Variants in NEK10 observed in about 807,000 individuals in gnomAD.
The protein encoded by NEK10 is serine/threonine-protein kinase Nek10.
NEK10 carries 122 observed loss-of-function variants against 159.8 expected under a neutral mutation model. That is an observed-to-expected ratio of 0.76 (90% CI 0.66 to 0.89). The LOEUF (loss-of-function observed/expected upper bound fraction) is 0.89. NEK10 is among the 40% of genes least tolerant of loss of function. The pLI, the probability that NEK10 is intolerant of heterozygous loss-of-function variation, is 0.00. For synonymous variants in NEK10, 466 were observed against 457.1 expected (o/e 1.02, Z -0.25); for missense variants, 1,342 against 1,323.1 (o/e 1.01, Z -0.22).
chr3:27,314,278 A>T lies in NEK10; in HGVS notation c.489+19T>A, dbSNP rs897106194. On this transcript the variant is annotated intron_variant, in intron 7 of 35. Transcript: ENST00000691995. ...ACAAAATGAAAAGGCAAGACCAGCC[A>T]CCACAAAAGGAATCTTACCTGAGCT... The T allele has an allele frequency of 3.2e-6, 5 of 1,583,266 alleles. No individual in the cohort carries two copies. In the Admixed American group the frequency reaches 8.6e-5, roughly 27 times the overall value.
intron 22 of NEK10, among the ~76,000 whole-genome samples, chr3:27,257,386 G>C (rs1370483493): frequency 6.6e-6 from 1 of 152,140 alleles, no homozygotes; most frequent in African/African-American, 2.4e-5. Context: ...AATAAGCTTT[G>C]ATATTCTCAA....
chr3:27,331,331 G>A (rs1436160880), intron 5 of NEK10, among the ~76,000 whole-genome samples: 1 of 150,592 alleles, frequency 6.6e-6, no homozygotes, highest in African/African-American at 2.4e-5. Flanking sequence ...GTGCTAACTT[G>A]AACATCTGTC....
At chr3:27,242,574 G>T (rs890892742) in intron 23 of NEK10, among the ~76,000 whole-genome samples, 1 of 152,174 alleles carries the variant, frequency 6.6e-6, no homozygotes, top group African/African-American at 2.4e-5. Context: ...TGGCTCCTAG[G>T]GGAAGGGACA....
chr3:27,359,828 A>G (rs760734492), intron 1 of NEK10, among the ~76,000 whole-genome samples: 4 of 152,230 alleles, frequency 2.6e-5, no homozygotes, highest in African/African-American at 4.8e-5. Context: ...TCACCACTTC[A>G]GCAGTTTATG....
At chr3:27,345,959 A>T in intron 4 of NEK10, 127 bp downstream of exon 4, 1 of 720,608 alleles carries the variant, frequency 1.4e-6, no homozygotes, top group Non-Finnish European at 2.1e-6. Context: ...TGAAAATATT[A>T]AATTAAGAAT....
chr3:27,254,114 C>T (rs893314728), intron 23 of NEK10, among the ~76,000 whole-genome samples: 1 of 152,160 alleles, frequency 6.6e-6, no homozygotes, highest in Non-Finnish European at 1.5e-5. Flanking sequence ...CTAGTCCAAC[C>T]CCCGGCCCAC....
chr3:27,337,825 ACATTAAGATT>A (rs1357685206), intron 5 of NEK10, among the ~76,000 whole-genome samples: 14 of 152,186 alleles, frequency 9.2e-5, no homozygotes, highest in Non-Finnish European at 2.9e-5. Flanking sequence ...AAAGACTTAA[ACATTAAGATT>A]CAAAACTATG....
chr3:27,137,622 A>G (rs912955115), intron 31 of NEK10, among the ~76,000 whole-genome samples: 4 of 152,204 alleles, frequency 2.6e-5, no homozygotes, highest in African/African-American at 9.6e-5. Flanking sequence ...GCTTCCCCCA[A>G]TATTTCCCTG....
At chr3:27,346,849 T>C (rs959459944) in intron 3 of NEK10, among the ~76,000 whole-genome samples, 1 of 152,210 alleles carries the variant, frequency 6.6e-6, no homozygotes, top group African/African-American at 2.4e-5. Context: ...TTAAAATATA[T>C]TATCAAATTT....
intron 5 of NEK10, among the ~76,000 whole-genome samples, chr3:27,338,222 A>G (rs2046950303): frequency 6.6e-6 from 1 of 152,204 alleles, no homozygotes; most frequent in Non-Finnish European, 1.5e-5. Context: ...TTTACTGAGA[A>G]GGATGGTTTC....
intron 25 of NEK10, among the ~76,000 whole-genome samples, chr3:27,198,843 G>A (rs112620273): frequency 1.1e-4 from 17 of 152,138 alleles, no homozygotes; most frequent in Admixed American, 2.0e-4. Context: ...AGGCCGAGGC[G>A]TGTAGATCAT....
At chr3:27,202,885 T>C (rs910590770) in intron 23 of NEK10, among the ~76,000 whole-genome samples, 25 of 152,282 alleles carry the variant, frequency 1.6e-4, no homozygotes, top group Middle Eastern at 3.4e-3. Context: ...CTCTGGGAGC[T>C]TCTGTACATC....
chr3:27,180,632 CTG>C (rs1258014694), intron 26 of NEK10, among the ~76,000 whole-genome samples: 1 of 152,128 alleles, frequency 6.6e-6, no homozygotes, highest in Non-Finnish European at 1.5e-5. Flanking sequence ...ACCTCATTGA[CTG>C]TTTCATTTTT....
At chr3:27,175,069 G>A (rs998055488) in intron 26 of NEK10, among the ~76,000 whole-genome samples, 2 of 152,166 alleles carry the variant, frequency 1.3e-5, no homozygotes, top group African/African-American at 4.8e-5. Flanking sequence ...TGGCAAGAGT[G>A]TTCAGTAGAA....
chr3:27,330,627 A>G (rs529902241), intron 5 of NEK10, among the ~76,000 whole-genome samples: 1 of 152,322 alleles, frequency 6.6e-6, no homozygotes, highest in South Asian at 2.1e-4. Context: ...AAATAATTTA[A>G]TGCAAAGAAA....
At chr3:27,212,029 C>A (rs1303158971) in intron 23 of NEK10, among the ~76,000 whole-genome samples, 4 of 152,112 alleles carry the variant, frequency 2.6e-5, no homozygotes, top group Non-Finnish European at 5.9e-5. Flanking sequence ...AATGCTATGT[C>A]TATCGATTAA....
In NEK10 at chr3:27,368,143, A is replaced by C. The variant is rs937080409; in HGVS notation, c.-38+1082T>G. ...CCCCTTCTCTACTAAAAATACAAAA[A>C]TTAGCCAGGCGTAGTGGCTCGCGCC... On this transcript the variant is annotated intron_variant, in intron 1 of 35. Coordinates refer to ENST00000691995, the MANE Select transcript of NEK10 (RefSeq NM_001394966.1). Among the ~76,000 whole-genome samples, 79 of 152,046 alleles carry C rather than the reference A, an allele frequency of 5.2e-4. 1 individual carries two copies. Among genetic ancestry groups the C allele is most frequent in the Non-Finnish European group, 8.5e-4 (58 of 67,988 alleles).
At chr3:27,246,391 T>C (rs746873938) in intron 23 of NEK10, among the ~76,000 whole-genome samples, 4 of 152,136 alleles carry the variant, frequency 2.6e-5, no homozygotes, top group Non-Finnish European at 5.9e-5. Context: ...CTCAAGTAAA[T>C]TTAGATTTTT....
At chr3:27,293,719 A>C in intron 15 of NEK10, 67 bp from the exon 16 acceptor site, 1 of 850,584 alleles carries the variant, frequency 1.2e-6, no homozygotes. Flanking sequence ...TTCAGGAAAG[A>C]ATTAACAGGA....
Sources: allele counts gnomAD v4.1 joint callset (sites outside exome capture counted in the v4.1 genomes callset), GRCh38; gene constraint gnomAD v4.1.1; transcripts MANE v1.5; gene names NCBI Gene and HGNC (gene_info 2026-07-23, HGNC 2026-07-21).